The following QTMAN variants were observed in gnomAD, a reference collection of about 807,000 sequenced individuals.
The protein encoded by QTMAN is queuosine-tRNA mannosyltransferase, also known as tRNA-queuosine alpha-mannosyltransferase.
chr2:144,129,300 A>C, the QTMAN span, among the ~76,000 whole-genome samples: 11 of 151,792 alleles, frequency 7.2e-5, no homozygotes, highest in Non-Finnish European at 1.6e-4. Context: ...TACAGGCCAG[A>C]CTCATGAACT....
chr2:144,181,365 C>A, the QTMAN span, among the ~76,000 whole-genome samples: 1 of 152,104 alleles, frequency 6.6e-6, no homozygotes, highest in Non-Finnish European at 1.5e-5. Flanking sequence ...GTTTTAGATT[C>A]AAATACTAGT....
chr2:144,173,655 T>G, the QTMAN span, among the ~76,000 whole-genome samples: 12 of 152,188 alleles, frequency 7.9e-5, no homozygotes, highest in Non-Finnish European at 1.8e-4. Flanking sequence ...TCTGGCCTTT[T>G]GTGAGCAATG....
the QTMAN span, among the ~76,000 whole-genome samples, chr2:144,169,406 C>T: frequency 5.3e-5 from 8 of 152,140 alleles, no homozygotes; most frequent in African/African-American, 1.9e-4. Context: ...TCACCTGTCT[C>T]TCCCACTTAA....
the QTMAN span, among the ~76,000 whole-genome samples, chr2:144,079,690 G>T: frequency 6.6e-6 from 1 of 152,038 alleles, no homozygotes; most frequent in Non-Finnish European, 1.5e-5. Context: ...TATAGTAGAT[G>T]TAATGGCCTA....
At chr2:144,032,966 A>G in the QTMAN span, among the ~76,000 whole-genome samples, 1 of 152,206 alleles carries the variant, frequency 6.6e-6, no homozygotes, top group African/African-American at 2.4e-5. Context: ...AGATTACAGA[A>G]AAATTTCAAA....
chr2:144,069,139 CCT>C, the QTMAN span, among the ~76,000 whole-genome samples: 1 of 151,946 alleles, frequency 6.6e-6, no homozygotes, highest in South Asian at 2.1e-4. Context: ...CCAATTCTTT[CCT>C]CTTTCTTTTC....
chr2:144,292,032 G>A, the QTMAN span, among the ~76,000 whole-genome samples: 1 of 152,176 alleles, frequency 6.6e-6, no homozygotes. Flanking sequence ...ACAAGACCTT[G>A]GGCAAGTCAT....
the QTMAN span, among the ~76,000 whole-genome samples, chr2:144,297,647 C>T: frequency 7.0e-6 from 1 of 142,620 alleles, no homozygotes; most frequent in Non-Finnish European, 1.5e-5. Flanking sequence ...GTGGCGCAAT[C>T]TTGGCTCACT....
At chr2:144,133,011 G>C in the QTMAN span, among the ~76,000 whole-genome samples, 1 of 143,240 alleles carries the variant, frequency 7.0e-6, no homozygotes, top group Non-Finnish European at 1.5e-5. Context: ...TTTGCCCTAG[G>C]CTGAACAGTG....
At chr2:144,233,084 T>C in the QTMAN span, among the ~76,000 whole-genome samples, 1 of 152,158 alleles carries the variant, frequency 6.6e-6, no homozygotes, top group Non-Finnish European at 1.5e-5. Context: ...GAACTGACCC[T>C]GAATTTTAGA....
chr2:143,953,074 TAATC>T, the QTMAN span, among the ~76,000 whole-genome samples: 14 of 151,882 alleles, frequency 9.2e-5, no homozygotes, highest in African/African-American at 2.4e-4. Flanking sequence ...TTCACTGAAT[TAATC>T]AAAGCGCAGC....
chr2:143,977,412 G>C, the QTMAN span, among the ~76,000 whole-genome samples: 3 of 152,190 alleles, frequency 2.0e-5, no homozygotes, highest in African/African-American at 7.2e-5. Context: ...TGATGGAGAG[G>C]AGCAGAGGAG....
chr2:144,234,905 C>T, the QTMAN span, among the ~76,000 whole-genome samples: 1 of 152,140 alleles, frequency 6.6e-6, no homozygotes, highest in African/African-American at 2.4e-5. Context: ...ACACGCTTCT[C>T]TTATTATTCA....
chr2:144,229,202 C>A, the QTMAN span, among the ~76,000 whole-genome samples: 3 of 152,154 alleles, frequency 2.0e-5, no homozygotes, highest in Non-Finnish European at 4.4e-5. Flanking sequence ...ATGTATGTTT[C>A]TCTCAGACAA....
chr2:144,211,432 CTA>C, the QTMAN span: 1 of 152,550 alleles, frequency 6.6e-6, no homozygotes, highest in African/African-American at 2.4e-5. Flanking sequence ...TCTCTGAAAA[CTA>C]TACTTAGTGG....
chr2:144,077,465 C>G, the QTMAN span, among the ~76,000 whole-genome samples: 1 of 152,218 alleles, frequency 6.6e-6, no homozygotes, highest in Non-Finnish European at 1.5e-5. Context: ...ATCTATACCT[C>G]CAGATACTGA....
At chr2:144,038,186 A>C in the QTMAN span, among the ~76,000 whole-genome samples, 4 of 152,198 alleles carry the variant, frequency 2.6e-5, no homozygotes, top group Admixed American at 6.5e-5. Context: ...ATAATCATTC[A>C]TTGCTGTGAA....
At chr2:143,969,560 T>G in the QTMAN span, among the ~76,000 whole-genome samples, 1 of 151,808 alleles carries the variant, frequency 6.6e-6, no homozygotes, top group Non-Finnish European at 1.5e-5. Context: ...TGCATACGCG[T>G]GAAAGAGATG....
chr2:144,244,641 G>A, the QTMAN span, among the ~76,000 whole-genome samples: 2 of 152,020 alleles, frequency 1.3e-5, no homozygotes, highest in Non-Finnish European at 1.5e-5. Context: ...AAGAAAATTC[G>A]GCTATTCTCA....
Sources: gnomAD v4.1 joint callset for allele counts (sites outside exome capture counted in the v4.1 genomes callset) on GRCh38, gnomAD v4.1.1 for gene constraint, MANE v1.5 for transcripts, NCBI Gene and HGNC (gene_info 2026-07-23, HGNC 2026-07-21) for gene names.